ZNF438: variants seen among roughly 807,000 people sequenced by gnomAD.
The protein encoded by ZNF438 is zinc finger protein 438.
In ZNF438, 25 loss-of-function variants were observed where a neutral mutation model predicts 38.0. That is an observed-to-expected ratio of 0.66 (90% CI 0.48 to 0.92). The LOEUF is 0.92. Ranked by LOEUF, ZNF438 falls within the 40% of genes least tolerant of loss-of-function variation. The pLI, the probability that ZNF438 is intolerant of heterozygous loss-of-function variation, is 0.00. For missense variants in ZNF438, 1,007 were observed against 999.6 expected (o/e 1.01, Z -0.10); for synonymous variants, 372 against 364.1 (o/e 1.02, Z -0.25).
intron 3 of ZNF438, among the ~76,000 whole-genome samples, chr10:30,884,293 T>C (rs2039663282): frequency 6.6e-6 from 1 of 152,154 alleles, no homozygotes; most frequent in Non-Finnish European, 1.5e-5. Flanking sequence ...ATAATAAATA[T>C]ACCTAACACT....
intron 2 of ZNF438, among the ~76,000 whole-genome samples, chr10:30,924,515 G>A (rs1203695669): frequency 2.0e-5 from 3 of 152,202 alleles, no homozygotes; most frequent in Non-Finnish European, 4.4e-5. Context: ...CATTTCCTGA[G>A]AAAGGAACTC....
intron 1 of ZNF438, among the ~76,000 whole-genome samples, chr10:30,944,287 A>G (rs555269243): frequency 2.6e-5 from 4 of 152,308 alleles, no homozygotes; most frequent in East Asian, 1.9e-4. Flanking sequence ...AGTCAATCCA[A>G]TTTGAAGGGG....
intron 2 of ZNF438, chr10:30,919,652 C>T (rs930687760): frequency 2.0e-5 from 3 of 152,004 alleles, no homozygotes; most frequent in East Asian, 1.9e-4. Context: ...GACAGAGTCT[C>T]GCTTTGTTGC....
intron 1 of ZNF438, among the ~76,000 whole-genome samples, chr10:30,972,942 A>G (rs1471522433): frequency 6.6e-6 from 1 of 152,192 alleles, no homozygotes. Context: ...TAGCTAGTAG[A>G]GGGCAATTCA....
intron 2 of ZNF438, among the ~76,000 whole-genome samples, chr10:30,929,409 G>T (rs913034675): frequency 6.6e-6 from 1 of 152,030 alleles, no homozygotes; most frequent in African/African-American, 2.4e-5. Context: ...CTCTTAAGGC[G>T]GTGTGTCTGG....
chr10:30,949,086 G>T (rs2047821468), intron 1 of ZNF438, among the ~76,000 whole-genome samples: 1 of 152,054 alleles, frequency 6.6e-6, no homozygotes, highest in Non-Finnish European at 1.5e-5. Flanking sequence ...AGAGAGTGGG[G>T]GCCAATATTC....
At chr10:30,936,925 A>G (rs2046320926) in intron 2 of ZNF438, among the ~76,000 whole-genome samples, 1 of 152,184 alleles carries the variant, frequency 6.6e-6, no homozygotes. Flanking sequence ...AAACATAAAA[A>G]AATTTTAAAC....
chr10:31,031,950 GC>G (rs1344345078), upstream of ZNF438: 4 of 152,144 alleles, frequency 2.6e-5, no homozygotes, highest in African/African-American at 9.7e-5. Flanking sequence ...CCCCGCCCCG[GC>G]GCCGCGGCGG....
intron 1 of ZNF438, among the ~76,000 whole-genome samples, chr10:31,028,732 CA>C (rs1263906296): frequency 3.9e-5 from 6 of 152,174 alleles, no homozygotes; most frequent in African/African-American, 1.4e-4. Flanking sequence ...TCTGAACTTC[CA>C]AAACCTAACC....
chr10:30,994,028 G>C (rs1251743088), intron 1 of ZNF438, among the ~76,000 whole-genome samples: 1 of 152,128 alleles, frequency 6.6e-6, no homozygotes, highest in Non-Finnish European at 1.5e-5. Flanking sequence ...TCTGTCCTAC[G>C]CCTGCTCCAC....
intron 1 of ZNF438, chr10:30,999,303 T>G (rs189465780): frequency 1.3e-5 from 2 of 152,332 alleles, no homozygotes; most frequent in Admixed American, 1.3e-4. Flanking sequence ...TTTCTCCCTC[T>G]TCTCTCTACT....
chr10:30,874,607 A>T (rs2038127980), intron 4 of ZNF438, among the ~76,000 whole-genome samples: 1 of 152,098 alleles, frequency 6.6e-6, no homozygotes, highest in Admixed American at 6.6e-5. Flanking sequence ...ACATGTATTC[A>T]CATATATTAT....
In ZNF438 at chr10:31,005,941, C is replaced by T. The variant is rs185435406; in HGVS notation, c.-192+25892G>A. On this transcript the variant is annotated intron_variant, in intron 1 of 5. Coordinates refer to ENST00000413025, the Ensembl canonical transcript of ZNF438. ...TTTATTATGTTGTGACCTTGGACAACTTACTTAATCTCTCTGAGCCTAAAT... is the reference window on the plus strand; with the variant it reads ...TTTATTATGTTGTGACCTTGGACAATTTACTTAATCTCTCTGAGCCTAAAT... Among the ~76,000 whole-genome samples, 20 of 152,296 alleles carry T rather than the reference C, an allele frequency of 1.3e-4. No individual in the cohort carries two copies. In the East Asian group the frequency reaches 3.9e-3, roughly 29 times the overall value.
intron 1 of ZNF438, among the ~76,000 whole-genome samples, chr10:31,026,854 A>T (rs1395645883): frequency 6.6e-6 from 1 of 152,188 alleles, no homozygotes; most frequent in Non-Finnish European, 1.5e-5. Flanking sequence ...ATGTCCATCA[A>T]TGATAGACTG....
At chr10:30,966,000 A>C (rs2994639) in intron 1 of ZNF438, among the ~76,000 whole-genome samples, 19,349 of 152,248 alleles carry the variant, frequency 0.13, 1,624 homozygotes, top group Middle Eastern at 0.24. Context: ...CTGTAAAAAA[A>C]ATAGAATCTA....
chr10:30,960,964 T>C (rs1291584302), intron 1 of ZNF438, among the ~76,000 whole-genome samples: 3 of 146,406 alleles, frequency 2.0e-5, no homozygotes, highest in Admixed American at 1.4e-4. Context: ...ATGCCTACTA[T>C]GTACCAGGCA....
At chr10:30,968,407 A>G (rs1405813231) in intron 1 of ZNF438, among the ~76,000 whole-genome samples, 2 of 150,940 alleles carry the variant, frequency 1.3e-5, no homozygotes, top group Non-Finnish European at 3.0e-5. Context: ...CTAAGCCAGA[A>G]GCTTAGAGAA....
At chr10:30,857,770 G>C (rs927418640) in intron 4 of ZNF438, 4 of 1,443,362 alleles carry the variant, frequency 2.8e-6, no homozygotes, top group Non-Finnish European at 3.7e-6. Context: ...TGCCATCAAA[G>C]GATTGGATCT....
intron 3 of ZNF438, among the ~76,000 whole-genome samples, chr10:30,901,406 C>T (rs535150507): frequency 1.3e-5 from 2 of 151,172 alleles, no homozygotes; most frequent in East Asian, 2.0e-4. Context: ...TTCTTAAAGG[C>T]GGCACGTCCG....
Sources: gnomAD v4.1 joint callset for allele counts (sites outside exome capture counted in the v4.1 genomes callset) on GRCh38, gnomAD v4.1.1 for gene constraint, MANE v1.5 for transcripts, NCBI Gene and HGNC (gene_info 2026-07-23, HGNC 2026-07-21) for gene names.